The following ELF4 variants were observed in gnomAD, a reference collection of about 807,000 sequenced individuals.
ELF4 encodes E74 like ETS transcription factor 4.
Under a neutral mutation model 31.7 loss-of-function variants are expected in ELF4, and 10 were observed. That is an observed-to-expected ratio of 0.32 (90% confidence interval 0.19 to 0.54). The LOEUF is 0.54. Ranked by LOEUF, ELF4 falls within the 20% of genes least tolerant of loss-of-function variation. The pLI is 0.95. For synonymous variants in ELF4, 208 were observed against 226.7 expected (o/e 0.92, Z 0.74); for missense variants, 418 against 522.0 (o/e 0.80, Z 1.94).
intron 1 of ELF4, among the ~76,000 whole-genome samples, chrX:130,106,037 A>T (rs750359472): frequency 9.0e-6 from 1 of 111,367 alleles, no homozygotes; most frequent in South Asian, 3.8e-4. Flanking sequence ...TTTATGTGAC[A>T]CACATTTGCC....
At chrX:130,082,631 G>A (rs1027199233) in intron 1 of ELF4, among the ~76,000 whole-genome samples, 1 of 111,071 alleles carries the variant, frequency 9.0e-6, no homozygotes, top group Admixed American at 9.5e-5. Context: ...TCCCCCTGTC[G>A]CCACTCCTCA....
intron 1 of ELF4, among the ~76,000 whole-genome samples, chrX:130,093,035 G>A (rs748493066): frequency 9.0e-6 from 1 of 111,034 alleles, no homozygotes; most frequent in African/African-American, 3.3e-5. Flanking sequence ...CATATAGGCC[G>A]GGTGTGATGG....
At position 130,067,181 on chromosome X, in the gene ELF4, C is replaced by T. The variant is rs747873017; in HGVS notation, c.1532G>A (p.Gly511Glu). The T allele has an allele frequency of 1.7e-6, 2 of 1,207,002 alleles. No individual in the cohort carries two copies. The highest frequency in any genetic ancestry group is 2.2e-6 in the Non-Finnish European group (2 of 892,502). Reference sequence around the variant, plus strand: ...AGTCCCAGGGGGCTGAGAGCTGGGCCCTGCTGGTCCAGCCCCTGTGACCGT... The same window carrying T: ...AGTCCCAGGGGGCTGAGAGCTGGGCTCTGCTGGTCCAGCCCCTGTGACCGT... ...PPTVTGAGPA[G>E]PSSQPPGTVI... Residue 511 changes from glycine to glutamate, a missense_variant, in exon 9 of 9, where the codon GGG (glycine) becomes GAG (glutamate). Coordinates refer to ENST00000308167, the MANE Select transcript of ELF4 (RefSeq NM_001421.4).
intron 1 of ELF4, among the ~76,000 whole-genome samples, chrX:130,097,706 C>A (rs1339007164): frequency 8.9e-6 from 1 of 112,699 alleles, no homozygotes; most frequent in African/African-American, 3.2e-5. Flanking sequence ...GGTGGTAGAG[C>A]AACCCATAAT....
chrX:130,074,875 T>C, intron 2 of ELF4, 123 bp from the exon 3 acceptor site: 2 of 796,978 alleles, frequency 2.5e-6, no homozygotes, highest in South Asian at 4.6e-5. Flanking sequence ...GTCCTTTGTA[T>C]AGGATGATAT....
At position 130,075,748 on chromosome X, in the gene ELF4, C is replaced by A. The variant is rs1932829272; in HGVS notation, c.76-996G>T. The stretch of plus-strand genomic sequence containing the variant: ...AGAGGGATTCAGTCTAGAGTCAGGG[C>A]TGGGGACCTAGTTCGCAGCCAGAGT... On this transcript the variant is annotated intron_variant, in intron 2 of 8. Coordinates refer to ENST00000308167, the MANE Select transcript of ELF4 (RefSeq NM_001421.4). Among the ~76,000 whole-genome samples, 6 of 111,851 alleles carry A rather than the reference C, an allele frequency of 5.4e-5. No homozygotes were observed. In the South Asian group the frequency reaches 2.2e-3, roughly 42 times the overall value.
intron 1 of ELF4, among the ~76,000 whole-genome samples, chrX:130,102,920 A>G (rs868362220): frequency 1.6e-3 from 161 of 101,024 alleles, no homozygotes; most frequent in Middle Eastern, 4.9e-3. Flanking sequence ...GAAAGAAAGA[A>G]AGAGAGAGAA....
chrX:130,065,532 G>A lies in ELF4; in HGVS notation c.*1189C>T, dbSNP rs1025739085. 6.3e-5 allele frequency: 11 copies of A among 174,743 alleles called. No homozygotes were observed. The highest frequency in any genetic ancestry group is 8.7e-5 in the Non-Finnish European group (8 of 91,565). The allele number at this position is 174,743 out of a possible 1,213,427, so 14.4% of individuals were successfully genotyped here. ...CACAGAGGCAGGCTGGTCCGCCTTC[G>A]AGGTGAGTTGCAGGCAGGCTGAGCA... On this transcript the variant is annotated 3_prime_UTR_variant, in exon 9 of 9. Coordinates refer to ENST00000308167, the MANE Select transcript of ELF4 (RefSeq NM_001421.4).
intron 1 of ELF4, among the ~76,000 whole-genome samples, chrX:130,082,872 A>G (rs1932904915): frequency 8.9e-6 from 1 of 111,846 alleles, no homozygotes; most frequent in Admixed American, 9.5e-5. Flanking sequence ...GAAGCCACAC[A>G]CTGCACTCCA....
At chrX:130,082,153 G>T (rs1016154357) in intron 1 of ELF4, among the ~76,000 whole-genome samples, 1 of 111,700 alleles carries the variant, frequency 9.0e-6, no homozygotes, top group Admixed American at 9.4e-5. Context: ...TACAGAGGAA[G>T]AAGTGGGGGT....
intron 3 of ELF4, 118 bp downstream of exon 3, chrX:130,074,463 T>C (rs1265750799): frequency 2.0e-6 from 2 of 997,117 alleles, no homozygotes; most frequent in Non-Finnish European, 2.8e-6. Flanking sequence ...GCACAACTTT[T>C]TGGCTGGTGG....
At position 130,067,667 on chromosome X, in the gene ELF4, G is replaced by A. The variant is rs900412711; in HGVS notation, c.1188-142C>T. ...TGTTTTTTTCTTTTTCTAGAGACAG[G>A]GTCTCACTCTGCTGCCCGGGATGGA... On this transcript the variant is annotated intron_variant, in intron 8 of 8. Transcript: ENST00000308167. 4.8e-5 allele frequency: 31 copies of A among 642,930 alleles called. No homozygotes were observed. The Admixed American group carries it at 8.3e-4, about 17-fold the overall frequency. The allele number at this position is 642,930 out of a possible 1,213,427, so 53.0% of individuals were successfully genotyped here. A position where few individuals can be genotyped will look rare whatever the true frequency, so the allele number is the denominator to read the frequency against.
chrX:130,081,117 T>G, intron 2 of ELF4, 139 bp downstream of exon 2: 2 of 777,295 alleles, frequency 2.6e-6, no homozygotes, highest in Non-Finnish European at 3.9e-6. Flanking sequence ...GCCAGTGCCC[T>G]GAGCATAGTA....
intron 1 of ELF4, among the ~76,000 whole-genome samples, chrX:130,090,974 G>A (rs1219870603): frequency 9.0e-6 from 1 of 111,096 alleles, no homozygotes; most frequent in African/African-American, 3.3e-5. Context: ...CACCGTGCCC[G>A]GCTAACTTTT....
chrX:130,084,089 G>T (rs952832861), intron 1 of ELF4, among the ~76,000 whole-genome samples: 2 of 112,324 alleles, frequency 1.8e-5, no homozygotes, highest in African/African-American at 6.5e-5. Context: ...CGCACTGTAG[G>T]TATATGTGTG....
intron 1 of ELF4, among the ~76,000 whole-genome samples, chrX:130,098,246 T>G (rs1243727199): frequency 3.6e-5 from 4 of 110,995 alleles, no homozygotes; most frequent in Admixed American, 9.6e-5. Flanking sequence ...GGAGAGGGCA[T>G]GCGTTCTTTT....
At position 130,068,903 on chromosome X, in the gene ELF4, G is replaced by A. The variant is rs145853637; in HGVS notation, c.1187+397C>T. Among the ~76,000 whole-genome samples the A allele has an allele frequency of 9.1e-3, 1,019 of 112,068 alleles. 9 individuals are homozygous for A. The highest frequency in any genetic ancestry group is 0.031 in the African/African-American group (964 of 30,887). ...TCTGGGAGGATCCCATGAGCCTGGC[G>A]ACAGAGTAGAGCTTGGCAAGAAGTT... On this transcript the variant is annotated intron_variant, in intron 8 of 8. Transcript: ENST00000308167.
chrX:130,073,323 G>T (rs1932804733), intron 4 of ELF4, among the ~76,000 whole-genome samples: 1 of 110,566 alleles, frequency 9.0e-6, no homozygotes, highest in Non-Finnish European at 1.9e-5. Flanking sequence ...TCCTGACCTC[G>T]TATTCCACCC....
rs746822755 is a variant in ELF4, at chrX:130,107,278, A to AAAAAGAAAAGAAAAGAAAAG, written c.-210+3027_-210+3046dup. On this transcript the variant is annotated intron_variant, in intron 1 of 8. Coordinates refer to ENST00000308167, the MANE Select transcript of ELF4 (RefSeq NM_001421.4). ...GGGCGACAGAGCAAGACTCCATCTC[A>AAAAAGAAAAGAAAAGAAAAG]AAAAGAAAAGAAAAGAAAAGAAAAG... Among the ~76,000 whole-genome samples, 149 of 110,239 alleles carry AAAAAGAAAAGAAAAGAAAAG rather than the reference A, an allele frequency of 1.4e-3. 2 individuals carry two copies. The Middle Eastern group carries it at 0.014, about 10-fold the overall frequency.
Sources: allele counts gnomAD v4.1 joint callset (sites outside exome capture counted in the v4.1 genomes callset), GRCh38; gene constraint gnomAD v4.1.1; transcripts MANE v1.5; gene names NCBI Gene and HGNC (gene_info 2026-07-23, HGNC 2026-07-21).